CAPZA2: variants seen among roughly 807,000 people sequenced by gnomAD.
The protein encoded by CAPZA2 is capping actin protein of muscle Z-line subunit alpha 2.
CAPZA2 carries 13 observed loss-of-function variants against 44.0 expected under a neutral mutation model. The observed-to-expected ratio is 0.30, with a 90% confidence interval of 0.19 to 0.47. The LOEUF is 0.47. Among genes scored for constraint, CAPZA2 ranks in the 20% least tolerant of loss-of-function variants. The probability of loss-of-function intolerance (pLI) is 1.00; values close to 1 mark genes in which losing one functional copy is unlikely to be tolerated. For missense variants in CAPZA2, 244 were observed against 338.6 expected, an observed-to-expected ratio of 0.72 and a Z score of 2.19; for synonymous variants, 94 against 108.2, an observed-to-expected ratio of 0.87 and a Z score of 0.81.
chr7:116,888,186 C>T lies in CAPZA2; in HGVS notation c.99C>T (p.Phe33=), dbSNP rs4808. The T allele has an allele frequency of 0.25, 398,440 of 1,601,078 alleles. 51,496 individuals carry two copies. Among genetic ancestry groups the T allele is most frequent in the East Asian group, 0.39 (17,518 of 44,620 alleles). The change falls in exon 2 of 10, where the codon TTC becomes TTT. Residue 33 remains phenylalanine (F), a synonymous_variant. Transcript: ENST00000361183. ...HAPPGEFNEV[F]NDVRLLLNND... Reference sequence around the variant, plus strand: ...CTCCTGGAGAATTTAATGAGGTTTTCAATGGTGAGTGTTTGATTTATAACA... The same window carrying T: ...CTCCTGGAGAATTTAATGAGGTTTTTAATGGTGAGTGTTTGATTTATAACA...
intron 9 of CAPZA2, among the ~76,000 whole-genome samples, chr7:116,916,557 C>T (rs1023870185): frequency 2.0e-5 from 3 of 151,850 alleles, no homozygotes; most frequent in Non-Finnish European, 2.9e-5. Flanking sequence ...ACCTGAGAGG[C>T]AGAGGTTGCA....
chr7:116,880,187 C>T (rs1481311031), intron 1 of CAPZA2: 1 of 444,594 alleles, frequency 2.2e-6, no homozygotes, highest in Non-Finnish European at 4.5e-6. Context: ...CAAAAAAGTA[C>T]TCATTTGTCT....
intron 3 of CAPZA2, among the ~76,000 whole-genome samples, chr7:116,894,672 T>G (rs1796901581): frequency 6.6e-6 from 1 of 152,210 alleles, no homozygotes; most frequent in Admixed American, 6.5e-5. Flanking sequence ...AAGCTGATAC[T>G]TGAAAGCCCC....
At chr7:116,916,500 G>A (rs1288758178) in intron 9 of CAPZA2, among the ~76,000 whole-genome samples, 1 of 152,186 alleles carries the variant, frequency 6.6e-6, no homozygotes, top group African/African-American at 2.4e-5. Context: ...GCATGTGCCT[G>A]TAGTGACGAG....
intron 8 of CAPZA2, among the ~76,000 whole-genome samples, chr7:116,914,469 ACG>A (rs1491573076): frequency 4.1e-5 from 6 of 146,934 alleles, no homozygotes; most frequent in African/African-American, 1.5e-4. Context: ...ACACACACAC[ACG>A]TATTTTTTTG....
chr7:116,914,300 A>T (rs543647076), intron 8 of CAPZA2, among the ~76,000 whole-genome samples: 1 of 152,238 alleles, frequency 6.6e-6, no homozygotes, highest in East Asian at 1.9e-4. Context: ...AAGTGCTGGG[A>T]TTACAGGCGT....
chr7:116,885,246 CTA>C (rs1796747803), intron 1 of CAPZA2, among the ~76,000 whole-genome samples: 2 of 151,306 alleles, frequency 1.3e-5, no homozygotes, highest in African/African-American at 4.9e-5. Context: ...GTCCAGCTCA[CTA>C]GTTTTTTTTT....
rs775384305 is a variant in CAPZA2 at position 116,919,072 on chromosome 7, A to G, written c.*1205A>G. ...CTCCCACAGACGTCTGGGCCTGGAA[A>G]TTTTTTTTTTATTTTATTTTATTGT... On this transcript the variant is annotated 3_prime_UTR_variant, in exon 10 of 10. Coordinates refer to ENST00000361183, the MANE Select transcript of CAPZA2 (RefSeq NM_006136.3). The G allele has an allele frequency of 6.7e-6, 1 of 149,186 alleles. No homozygotes were observed. The highest frequency in any genetic ancestry group is 2.5e-5 in the African/African-American group (1 of 40,592). 9.2% of individuals were successfully genotyped at this position (149,186 alleles called of 1,614,324 possible).
chr7:116,867,201 C>T (rs1209743094), intron 1 of CAPZA2, among the ~76,000 whole-genome samples: 1 of 152,228 alleles, frequency 6.6e-6, no homozygotes, highest in Non-Finnish European at 1.5e-5. Flanking sequence ...CAAAATTTCA[C>T]TGTACAAACA....
At chr7:116,890,777 C>CTAAA (rs1796835828) in intron 2 of CAPZA2, among the ~76,000 whole-genome samples, 1 of 53,434 alleles carries the variant, frequency 1.9e-5, no homozygotes, top group Non-Finnish European at 3.1e-5. Flanking sequence ...GACTCTGTCT[C>CTAAA]AAAAAAAAAA....
chr7:116,884,201 T>G lies in CAPZA2; in HGVS notation c.40-3926T>G, dbSNP rs111261310. Among the ~76,000 whole-genome samples, 6 of 152,306 alleles carry G rather than the reference T, an allele frequency of 3.9e-5. 1 individual carries two copies. Among genetic ancestry groups the G allele is most frequent in the South Asian group, 2.1e-4 (1 of 4,830 alleles). On this transcript the variant is annotated intron_variant, in intron 1 of 9. Transcript: ENST00000361183. ...ATACTTTACATTTTAATAGTACTCT[T>G]AAACGTTTTAGAAGCAATATGTTTT...
At chr7:116,905,580 TA>T (rs750439735) in intron 5 of CAPZA2, among the ~76,000 whole-genome samples, 3 of 152,248 alleles carry the variant, frequency 2.0e-5, no homozygotes, top group Non-Finnish European at 4.4e-5. Context: ...GCTCTCTGAT[TA>T]TTTGAGAAAT....
Position 116,881,324 on chromosome 7 carries a change from G to A in CAPZA2, c.40-6803G>A, listed in dbSNP as rs544915375. Among the ~76,000 whole-genome samples, 101 of 152,194 alleles carry A rather than the reference G, an allele frequency of 6.6e-4. 1 individual carries two copies. The highest frequency in any genetic ancestry group is 2.2e-3 in the African/African-American group (90 of 41,536). ...CAGATTGAAGAACTAAGTACAAAGAGCAAAACTTTAAAGTTAGAAAAAATA... is the reference window on the plus strand; with the variant it reads ...CAGATTGAAGAACTAAGTACAAAGAACAAAACTTTAAAGTTAGAAAAAATA... On this transcript the variant is annotated intron_variant, in intron 1 of 9. Transcript: ENST00000361183.
chr7:116,920,244 CAAAAT>C lies in CAPZA2; in HGVS notation c.*2380_*2384del. 1 of 141,900 alleles carries C rather than the reference CAAAAT, an allele frequency of 7.0e-6. No individual in the cohort carries two copies. Among genetic ancestry groups the C allele is most frequent in the Middle Eastern group, 3.6e-3 (1 of 276 alleles). 8.8% of individuals were successfully genotyped at this position (141,900 alleles called of 1,614,324 possible). ...TGGGTGACACAGGGAGCCTCTGTCT[CAAAAT>C]AATAATAATAATAAAAGAATGGCAT... On this transcript the variant is annotated 3_prime_UTR_variant, in exon 10 of 10. Coordinates refer to ENST00000361183, the MANE Select transcript of CAPZA2 (RefSeq NM_006136.3).
At chr7:116,898,416 T>C (rs1337243205) in intron 3 of CAPZA2, among the ~76,000 whole-genome samples, 1 of 152,182 alleles carries the variant, frequency 6.6e-6, no homozygotes, top group African/African-American at 2.4e-5. Context: ...TCTTTGCATC[T>C]CTTACAGCAC....
At chr7:116,901,978 C>T (rs1341999206) in intron 4 of CAPZA2, among the ~76,000 whole-genome samples, 1 of 149,876 alleles carries the variant, frequency 6.7e-6, no homozygotes, top group African/African-American at 2.5e-5. Flanking sequence ...GGGAGAATTG[C>T]CTTACCAGAT....
chr7:116,897,560 A>G (rs921736628), intron 3 of CAPZA2, among the ~76,000 whole-genome samples: 3 of 152,166 alleles, frequency 2.0e-5, no homozygotes, highest in African/African-American at 4.8e-5. Flanking sequence ...ACGCCTGGCC[A>G]TCCCGAATAA....
In CAPZA2 at chr7:116,866,731, A is replaced by G. The variant is rs553256664; in HGVS notation, c.39+4081A>G. 2.6e-5 allele frequency among the ~76,000 whole-genome samples: 4 copies of G among 152,280 alleles called. No individual in the cohort carries two copies. In the South Asian group the frequency reaches 8.3e-4, roughly 32 times the overall value. On this transcript the variant is annotated intron_variant, in intron 1 of 9. Transcript: ENST00000361183. ...ACCCTTTACCTCAGTGATTACAATA[A>G]TCTGTCCCATAGCTTCAACTTTTAG...
At chr7:116,878,997 G>A (rs1042941278) in intron 1 of CAPZA2, among the ~76,000 whole-genome samples, 7 of 151,640 alleles carry the variant, frequency 4.6e-5, no homozygotes, top group African/African-American at 1.2e-4. Flanking sequence ...ATGGTGGCAC[G>A]TGCCTGTAAT....
Sources: gnomAD v4.1 joint callset for allele counts (sites outside exome capture counted in the v4.1 genomes callset) on GRCh38, gnomAD v4.1.1 for gene constraint, MANE v1.5 for transcripts, NCBI Gene and HGNC (gene_info 2026-07-23, HGNC 2026-07-21) for gene names.